Variants in EXD3 observed in about 807,000 individuals in gnomAD.
EXD3 encodes the protein exonuclease mut-7 homolog.
A neutral mutation model predicts 98.0 loss-of-function variants in EXD3; 92 were observed. The observed-to-expected ratio is 0.94, with a 90% confidence interval of 0.79 to 1.12. The LOEUF (loss-of-function observed/expected upper bound fraction) is 1.12. EXD3 is among the 50% of genes most tolerant of loss of function. The pLI is 0.00. For synonymous variants in EXD3, 569 were observed against 526.0 expected (o/e 1.08, Z -1.12); for missense variants, 1,222 against 1,191.6 (o/e 1.03, Z -0.38).
At chr9:137,416,012 C>T (rs1838214675) in intron 1 of EXD3, among the ~76,000 whole-genome samples, 1 of 152,184 alleles carries the variant, frequency 6.6e-6, no homozygotes, top group Non-Finnish European at 1.5e-5. Context: ...ACAATGTATA[C>T]ACCCTGGTTT....
chr9:137,422,554 T>C (rs930540210), intron 1 of EXD3, among the ~76,000 whole-genome samples: 1 of 152,230 alleles, frequency 6.6e-6, no homozygotes, highest in Non-Finnish European at 1.5e-5. Flanking sequence ...CTCTGTTTTG[T>C]TCTCCGTTGC....
intron 1 of EXD3, among the ~76,000 whole-genome samples, chr9:137,418,494 G>T (rs1838345930): frequency 1.3e-5 from 2 of 152,132 alleles, no homozygotes; most frequent in South Asian, 4.1e-4. Flanking sequence ...ATTTACATCT[G>T]TTAACAAAAA....
chr9:137,400,764 CAA>C (rs556834772), intron 1 of EXD3, among the ~76,000 whole-genome samples: 11 of 127,982 alleles, frequency 8.6e-5, no homozygotes, highest in East Asian at 2.3e-4. Flanking sequence ...GACTCCATCT[CAA>C]AAAAAAAAAA....
At chr9:137,374,883 G>A in intron 3 of EXD3, 1 of 984,668 alleles carries the variant, frequency 1.0e-6, no homozygotes, top group African/African-American at 1.7e-5. Flanking sequence ...TCTAACTCTA[G>A]TGAGTCCTGG....
intron 1 of EXD3, among the ~76,000 whole-genome samples, chr9:137,418,274 G>A (rs996542405): frequency 2.0e-5 from 3 of 152,124 alleles, no homozygotes; most frequent in African/African-American, 7.2e-5. Context: ...CTTGAACCCG[G>A]GAAGCAGAGG....
rs1484449576 is a variant in EXD3, at chr9:137,383,339, G to C, written c.94C>G (p.Leu32Val). ...TGCTTCCGCTCCCGCGTGGACCACA[G>C]GGTCTGCAGGGCCTGCAGGAGCAGG... is the stretch of plus-strand genomic sequence containing the variant. ...PLLLLQALQTLWSTRERKQLR... is the reference protein window; with the variant it reads ...PLLLLQALQTVWSTRERKQLR... Residue 32 changes from leucine (L) to valine (V), a missense_variant, in exon 3 of 22, where the codon CTG becomes GTG. Coordinates refer to ENST00000340951, the MANE Select transcript of EXD3 (RefSeq NM_017820.5). 3.2e-6 allele frequency: 5 copies of C among 1,550,404 alleles called. No individual in the cohort carries two copies. Among genetic ancestry groups the C allele is most frequent in the African/African-American group, 1.4e-5 (1 of 73,046 alleles).
Position 137,373,013 on chromosome 9 carries a change from G to A in EXD3, c.354C>T (p.Pro118=). 6.2e-7 allele frequency: 1 copy of A among 1,605,152 alleles called. No homozygotes were observed. Among genetic ancestry groups the A allele is most frequent in the South Asian group, 1.1e-5 (1 of 90,906 alleles). The change falls in exon 5 of 22, where the codon CCC becomes CCT. Residue 118 remains proline (P), a synonymous_variant. Transcript: ENST00000340951. ...ARAVKVLTES[P]PSLAAPLASI... ...TGGCCAGTGGTGCCGCAAGGCTGGGGGGGCTCTCAGTGAGGACTTTGACCG... is the reference window on the plus strand; with the variant it reads ...TGGCCAGTGGTGCCGCAAGGCTGGGAGGGCTCTCAGTGAGGACTTTGACCG...
rs974476649 is a variant in EXD3 at position 137,393,740 on chromosome 9, G to A, written c.55+1563C>T. Among the ~76,000 whole-genome samples the A allele has an allele frequency of 7.2e-5, 11 of 152,172 alleles. No individual in the cohort carries two copies. Among genetic ancestry groups the A allele is most frequent in the African/African-American group, 2.7e-4 (11 of 41,446 alleles). On this transcript the variant is annotated intron_variant, in intron 2 of 21. Transcript: ENST00000340951. This position sits in a 1 kb window ranked among gnomAD's most constrained non-coding sequence, Gnocchi z 4.6. ...GGAGCAGGGCTTTCACAGAGGGGAG[G>A]GCCATGGCCCTGCCCCATGGAGGGG...
intron 17 of EXD3, chr9:137,343,142 T>C (rs1833737675): frequency 6.6e-6 from 1 of 152,050 alleles, no homozygotes; most frequent in African/African-American, 2.4e-5. Flanking sequence ...AAAAAAAGAA[T>C]CAGAGAAAAG....
intron 17 of EXD3, among the ~76,000 whole-genome samples, chr9:137,327,319 G>C (rs140885094): frequency 6.6e-6 from 1 of 152,232 alleles, no homozygotes; most frequent in African/African-American, 2.4e-5. Flanking sequence ...ATTTCTAATA[G>C]AGACAGGGTT....
Position 137,320,118 on chromosome 9 carries a change from C to T in EXD3, c.2184+3607G>A, listed in dbSNP as rs146997293. ...GGGGAACGCTTGGTTCTGTCCTCAC[C>T]GCACACCACCCAGCATCTGCGGGAT... On this transcript the variant is annotated intron_variant, in intron 19 of 21. Transcript: ENST00000340951. Among the ~76,000 whole-genome samples, 451 of 152,280 alleles carry T rather than the reference C, an allele frequency of 3.0e-3. 2 individuals are homozygous for T. Among genetic ancestry groups the T allele is most frequent in the Non-Finnish European group, 5.3e-3 (362 of 67,992 alleles).
At chr9:137,417,366 G>A (rs1219925412) in intron 1 of EXD3, among the ~76,000 whole-genome samples, 1 of 152,226 alleles carries the variant, frequency 6.6e-6, no homozygotes, top group Non-Finnish European at 1.5e-5. Context: ...CGCCCGCAGA[G>A]GCGCCAGACG....
At chr9:137,384,433 C>A (rs7468804) in intron 2 of EXD3, among the ~76,000 whole-genome samples, 39,268 of 152,200 alleles carry the variant, frequency 0.26, 5,805 homozygotes, top group Middle Eastern at 0.37. Context: ...GTTCAGCTCA[C>A]AATTTAAGAA....
intron 8 of EXD3, among the ~76,000 whole-genome samples, chr9:137,355,678 T>C (rs78308725): frequency 5.5e-4 from 6 of 10,922 alleles, no homozygotes; most frequent in Non-Finnish European, 9.2e-4. Flanking sequence ...AAAGGGAGGA[T>C]GGAGGAAGGA....
At chr9:137,406,946 G>A (rs1837743435) in intron 1 of EXD3, among the ~76,000 whole-genome samples, 1 of 152,158 alleles carries the variant, frequency 6.6e-6, no homozygotes, top group African/African-American at 2.4e-5. Context: ...CAGGCTCCGA[G>A]AGAGGTGCGG....
Position 137,351,362 on chromosome 9 carries a change from C to T in EXD3, c.1340G>A (p.Arg447Gln), listed in dbSNP as rs754912457. ...GTCCGAGAGGAGCTGGGCCACCAGC[C>T]GGGAAAAGGCCTGGGCTCCCTGCCC... Reference protein sequence around the residue: ...PTGQGAQAFSRLVAQLLSDPS... With the variant: ...PTGQGAQAFSQLVAQLLSDPS... Residue 447 changes from arginine to glutamine, a missense_variant, in exon 13 of 22, where the codon CGG becomes CAG. Transcript: ENST00000340951. The T allele has an allele frequency of 1.9e-5, 30 of 1,611,902 alleles. No homozygotes were observed. The highest frequency in any genetic ancestry group is 3.3e-5 in the Admixed American group (2 of 59,876).
At chr9:137,323,992 C>T in intron 18 of EXD3, 98 bp downstream of exon 18, 2 of 1,530,344 alleles carry the variant, frequency 1.3e-6, no homozygotes, top group Non-Finnish European at 1.8e-6. Flanking sequence ...TGGGGGTCGG[C>T]CCCACGGCAA....
intron 1 of EXD3, among the ~76,000 whole-genome samples, chr9:137,422,687 A>T: frequency 6.6e-6 from 1 of 152,196 alleles, no homozygotes; most frequent in Non-Finnish European, 1.5e-5. Context: ...GTGGACAGGA[A>T]GCCAGGGCCC....
At chr9:137,411,752 G>C (rs1838014782) in intron 1 of EXD3, among the ~76,000 whole-genome samples, 1 of 148,810 alleles carries the variant, frequency 6.7e-6, no homozygotes, top group Middle Eastern at 3.5e-3. Context: ...TGGGGGAGTG[G>C]GAGGGAGTCG....
Sources: gnomAD v4.1 joint callset for allele counts (sites outside exome capture counted in the v4.1 genomes callset) on GRCh38, gnomAD v4.1.1 for gene constraint, Gnocchi (gnomAD v3.1) non-coding constraint, MANE v1.5 for transcripts, NCBI Gene and HGNC (gene_info 2026-07-23, HGNC 2026-07-21) for gene names.